ABCA13: variants seen among roughly 807,000 people sequenced by gnomAD.
ABCA13 encodes the protein ATP-binding cassette sub-family A member 13.
In ABCA13, 476 loss-of-function variants were observed where a neutral mutation model predicts 478.7. That is an observed-to-expected ratio of 0.99 (90% CI 0.92 to 1.07). ABCA13 has a LOEUF of 1.07. Among genes scored for constraint, ABCA13 ranks in the 50% least tolerant of loss-of-function variants. The pLI is 0.00. For synonymous variants in ABCA13, 2,252 were observed against 2,158.9 expected, an observed-to-expected ratio of 1.04 and a Z score of -1.20; for missense variants, 6,060 against 5,910.6, an observed-to-expected ratio of 1.03 and a Z score of -0.83.
intron 43 of ABCA13, among the ~76,000 whole-genome samples, chr7:48,463,487 T>C (rs938096634): frequency 2.6e-5 from 4 of 152,112 alleles, no homozygotes; most frequent in East Asian, 1.9e-4. Context: ...TCTCTGGAGA[T>C]TTGCAGGTCT....
chr7:48,595,567 G>T (rs988386631), intron 58 of ABCA13, among the ~76,000 whole-genome samples: 1 of 152,178 alleles, frequency 6.6e-6, no homozygotes, highest in Non-Finnish European at 1.5e-5. Context: ...CAGAAGAAAT[G>T]AGACTTCTGG....
In ABCA13 at chr7:48,207,830, A is replaced by T. The variant is rs1346091350; in HGVS notation, c.287+9470A>T. Among the ~76,000 whole-genome samples the T allele has an allele frequency of 4.0e-5, 6 of 151,714 alleles. No homozygotes were observed. The South Asian group carries it at 1.2e-3, about 31-fold the overall frequency. On this transcript the variant is annotated intron_variant, in intron 3 of 61. Transcript: ENST00000435803. ...TGATGTGATCCATTTGTCCATTTTT[A>T]CTTTTGTTGTCTGTGCTTTTGAGGC... is the stretch of plus-strand genomic sequence containing the variant.
In ABCA13 at chr7:48,245,594, CT is replaced by C. The variant is rs768311804; in HGVS notation, c.1477del (p.Trp493GlyfsTer3). The C allele has an allele frequency of 1.1e-5, 17 of 1,611,096 alleles. No individual in the cohort carries two copies. In the African/African-American group the frequency reaches 2.0e-4, roughly 19 times the overall value. ...AATTGAAACTGGAAAAGGATGTGTTCTTTTGGGAGCTGAAACAGGTAAAGCA... is the reference window on the plus strand; with the variant it reads ...AATTGAAACTGGAAAAGGATGTGTTCTTTGGGAGCTGAAACAGGTAAAGCA... ...NQLKLEKDVF[F>X]WELKQMLAKN... is the part of the protein sequence containing the mutation. On this transcript the variant is annotated frameshift_variant, in exon 12 of 62. Coordinates refer to ENST00000435803, the MANE Select transcript of ABCA13 (RefSeq NM_152701.5). LOFTEE classifies it high-confidence loss of function.
At chr7:48,316,545 T>A (rs768343826) in intron 26 of ABCA13, among the ~76,000 whole-genome samples, 4 of 152,170 alleles carry the variant, frequency 2.6e-5, no homozygotes, top group Non-Finnish European at 5.9e-5. Flanking sequence ...CTGAAAACTA[T>A]AACAGGGAAA....
At position 48,182,825 on chromosome 7, in the gene ABCA13, T is replaced by C. The variant is rs543277898; in HGVS notation, c.70-10134T>C. Among the ~76,000 whole-genome samples the C allele has an allele frequency of 3.4e-4, 52 of 152,358 alleles. 1 individual carries two copies. Among genetic ancestry groups the C allele is most frequent in the Admixed American group, 1.9e-3 (29 of 15,304 alleles). ...CTGTAAAGGATCTAGGCAGATCAAC[T>C]GTAACTATAGTTGCTGTTTGGCATT... On this transcript the variant is annotated intron_variant, in intron 1 of 61. Transcript: ENST00000435803.
At chr7:48,376,409 A>G in intron 34 of ABCA13, 32 bp from the exon 35 acceptor site, 2 of 1,600,240 alleles carry the variant, frequency 1.2e-6, no homozygotes, top group South Asian at 1.1e-5. Context: ...GAGCTTGTGC[A>G]GTTCTAACTC....
At chr7:48,374,993 T>C (rs1813233898) in intron 34 of ABCA13, among the ~76,000 whole-genome samples, 1 of 152,204 alleles carries the variant, frequency 6.6e-6, no homozygotes, top group Non-Finnish European at 1.5e-5. Context: ...CTAGGCTGCA[T>C]GTTCCTTATG....
chr7:48,276,097 C>T lies in ABCA13; in HGVS notation c.6431C>T (p.Thr2144Ile). ...GAGGATTACTCCAGAATGATAGAAA[C>T]ATTATTCATTCCTGTGACCAATGAG... ...ANEDYSRMIETLFIPVTNESS... is the reference protein window; with the variant it reads ...ANEDYSRMIEILFIPVTNESS... The change falls in exon 17 of 62, where the codon ACA becomes ATA. Residue 2144 changes from threonine (T) to isoleucine (I), a missense_variant. By Grantham distance (89) the Thr-to-Ile change is moderately conservative. Transcript: ENST00000435803. 1 of 1,599,914 alleles carries T rather than the reference C, an allele frequency of 6.3e-7. No homozygotes were observed.
intron 51 of ABCA13, 37 bp from the exon 52 acceptor site, chr7:48,516,688 C>T (rs750803990): frequency 3.8e-6 from 6 of 1,598,792 alleles, no homozygotes; most frequent in Non-Finnish European, 5.1e-6. Context: ...GTAAATGTTA[C>T]AGTAAAACAA....
intron 42 of ABCA13, among the ~76,000 whole-genome samples, chr7:48,438,466 A>G (rs1453738080): frequency 1.3e-5 from 2 of 151,794 alleles, no homozygotes; most frequent in Non-Finnish European, 2.9e-5. Flanking sequence ...TGCTGATGTC[A>G]CTCTATCCTC....
At chr7:48,589,949 G>T (rs1789554753) in intron 57 of ABCA13, among the ~76,000 whole-genome samples, 1 of 152,142 alleles carries the variant, frequency 6.6e-6, no homozygotes, top group African/African-American at 2.4e-5. Context: ...TTTCATTAGG[G>T]ATTGAGTTTT....
At chr7:48,319,804 G>T (rs1436345166) in intron 27 of ABCA13, among the ~76,000 whole-genome samples, 2 of 152,122 alleles carry the variant, frequency 1.3e-5, no homozygotes, top group East Asian at 3.9e-4. Context: ...CTCTTTGAAG[G>T]ACTCTTCTCC....
chr7:48,218,147 G>T (rs1786771246), intron 3 of ABCA13, among the ~76,000 whole-genome samples: 1 of 152,184 alleles, frequency 6.6e-6, no homozygotes. Flanking sequence ...ACTAGAAAAA[G>T]AATGTAAAAC....
chr7:48,616,571 A>G (rs1792593544), intron 59 of ABCA13, among the ~76,000 whole-genome samples: 2 of 152,278 alleles, frequency 1.3e-5, no homozygotes, highest in Non-Finnish European at 2.9e-5. Context: ...TGCATTCTAC[A>G]TACTGGAAAA....
chr7:48,313,724 G>T (rs568733251), intron 25 of ABCA13, among the ~76,000 whole-genome samples: 4 of 152,278 alleles, frequency 2.6e-5, no homozygotes, highest in South Asian at 2.1e-4. Context: ...GAACTGACTG[G>T]GCACGAATGA....
At chr7:48,289,099 C>G (rs1429694999) in intron 20 of ABCA13, among the ~76,000 whole-genome samples, 1 of 152,164 alleles carries the variant, frequency 6.6e-6, no homozygotes, top group Non-Finnish European at 1.5e-5. Context: ...ACTCCCACAG[C>G]ATGGCAAGGG....
At chr7:48,586,310 A>T (rs1789172661) in intron 56 of ABCA13, among the ~76,000 whole-genome samples, 2 of 152,140 alleles carry the variant, frequency 1.3e-5, no homozygotes, top group Admixed American at 6.5e-5. Context: ...TTATAAACCA[A>T]ACTCTGAGTT....
chr7:48,412,635 C>T (rs73694621), intron 41 of ABCA13, 52 bp downstream of exon 41: 1 of 1,458,106 alleles, frequency 6.9e-7, no homozygotes. Flanking sequence ...TTTGACCAGT[C>T]CACATTAAAT....
intron 55 of ABCA13, among the ~76,000 whole-genome samples, chr7:48,544,806 A>G (rs1009534226): frequency 6.6e-6 from 1 of 151,936 alleles, no homozygotes; most frequent in Non-Finnish European, 1.5e-5. Context: ...AAGCTCAGGT[A>G]AAACAACCTG....
Sources: gnomAD v4.1 joint callset for allele counts (sites outside exome capture counted in the v4.1 genomes callset) on GRCh38, gnomAD v4.1.1 for gene constraint, MANE v1.5 for transcripts, NCBI Gene and HGNC (gene_info 2026-07-23, HGNC 2026-07-21) for gene names.